SAXO1: variants seen among roughly 807,000 people sequenced by gnomAD.
SAXO1 encodes the protein 4930500O09Rik.
A neutral mutation model predicts 17.5 loss-of-function variants in SAXO1; 21 were observed. The ratio of observed to expected loss-of-function variants is 1.20; its 90% CI spans 0.85 to 1.72. SAXO1 has a LOEUF of 1.72. Ranked by LOEUF, SAXO1 falls within the 40% of genes most tolerant of loss-of-function variation. The pLI, the probability that SAXO1 is intolerant of heterozygous loss-of-function variation, is 0.00. For synonymous variants in SAXO1, 274 were observed against 216.5 expected, an observed-to-expected ratio of 1.27 and a Z score of -2.33; for missense variants, 843 against 596.0, an observed-to-expected ratio of 1.41 and a Z score of -4.32.
intron 1 of SAXO1, among the ~76,000 whole-genome samples, chr9:18,962,812 A>G (rs1193012599): frequency 6.6e-6 from 1 of 152,090 alleles, no homozygotes; most frequent in Non-Finnish European, 1.5e-5. Context: ...ATTAGATCCC[A>G]TTTGTCAATT....
chr9:18,979,066 A>G (rs1364586460), intron 1 of SAXO1, among the ~76,000 whole-genome samples: 1 of 152,194 alleles, frequency 6.6e-6, no homozygotes, highest in Non-Finnish European at 1.5e-5. Context: ...AACTTAGATT[A>G]TATATGTTGA....
At chr9:18,931,121 T>C (rs888892842) in intron 3 of SAXO1, among the ~76,000 whole-genome samples, 5 of 152,228 alleles carry the variant, frequency 3.3e-5, no homozygotes, top group African/African-American at 1.2e-4. Context: ...AATCAAGTTA[T>C]AGAGTATTTG....
At chr9:19,040,319 G>A (rs1460885269) in intron 1 of SAXO1, among the ~76,000 whole-genome samples, 1 of 152,104 alleles carries the variant, frequency 6.6e-6, no homozygotes, top group African/African-American at 2.4e-5. Context: ...CACCTAATAC[G>A]ACTCATTTAG....
chr9:18,964,980 A>G (rs571813497), intron 1 of SAXO1, among the ~76,000 whole-genome samples: 2 of 152,282 alleles, frequency 1.3e-5, no homozygotes, highest in South Asian at 4.2e-4. Flanking sequence ...GGTTTCAAAG[A>G]ATTTATTTAT....
At chr9:18,930,794 C>G (rs942678020) in intron 3 of SAXO1, among the ~76,000 whole-genome samples, 1 of 152,216 alleles carries the variant, frequency 6.6e-6, no homozygotes, top group African/African-American at 2.4e-5. Flanking sequence ...CCACCACGCC[C>G]GGCCTACTGC....
chr9:19,040,887 A>G (rs1400539470), intron 1 of SAXO1, among the ~76,000 whole-genome samples: 2 of 152,108 alleles, frequency 1.3e-5, no homozygotes, highest in Non-Finnish European at 2.9e-5. Context: ...ATACTTACGT[A>G]CAATAAATGA....
chr9:18,951,668 G>A (rs1024852183), intron 1 of SAXO1, among the ~76,000 whole-genome samples: 2 of 152,130 alleles, frequency 1.3e-5, no homozygotes, highest in Admixed American at 6.5e-5. Context: ...ATCACCCTGT[G>A]TATGCCTGTC....
intron 1 of SAXO1, among the ~76,000 whole-genome samples, chr9:18,996,078 T>TTA (rs1833987941): frequency 3.4e-4 from 12 of 35,060 alleles, no homozygotes; most frequent in African/African-American, 2.3e-3. Context: ...AAACTACATC[T>TTA]CAAAAAAAAA....
chr9:18,974,184 TAGA>T (rs1234924352), intron 1 of SAXO1, among the ~76,000 whole-genome samples: 4 of 152,100 alleles, frequency 2.6e-5, no homozygotes, highest in Non-Finnish European at 5.9e-5. Context: ...ACATTCAAAA[TAGA>T]AGGAGCCAGG....
intron 1 of SAXO1, among the ~76,000 whole-genome samples, chr9:19,005,454 G>A (rs185639379): frequency 6.6e-6 from 1 of 152,144 alleles, no homozygotes; most frequent in African/African-American, 2.4e-5. Flanking sequence ...GTATAGAATA[G>A]AGCCCAGAAA....
In SAXO1 at chr9:18,999,634, G is replaced by C. The variant is rs1359176652; in HGVS notation, c.38+33237C>G. 7.4e-5 allele frequency among the ~76,000 whole-genome samples: 11 copies of C among 148,876 alleles called. No individual in the cohort carries two copies. The South Asian group carries it at 1.1e-3, about 15-fold the overall frequency. On this transcript the variant is annotated intron_variant, in intron 1 of 3. Coordinates refer to ENST00000380534, the MANE Select transcript of SAXO1 (RefSeq NM_153707.4). ...TGTCCCACCATCTGGGAAGTGAAGA[G>C]CCCCTCTGCCCGGCCGCCACACCGT... is the stretch of plus-strand genomic sequence containing the variant.
At chr9:19,030,573 G>A (rs928844986) in intron 1 of SAXO1, among the ~76,000 whole-genome samples, 8 of 152,124 alleles carry the variant, frequency 5.3e-5, no homozygotes, top group African/African-American at 1.7e-4. Context: ...CAGCATGGTG[G>A]TGGGTACCTG....
chr9:19,013,737 G>T (rs564770036), intron 1 of SAXO1, among the ~76,000 whole-genome samples: 1 of 151,830 alleles, frequency 6.6e-6, no homozygotes, highest in African/African-American at 2.4e-5. Flanking sequence ...AGTGGAAACG[G>T]GTTTTCACCA....
chr9:19,017,762 C>A (rs1190548408), intron 1 of SAXO1, among the ~76,000 whole-genome samples: 1 of 152,252 alleles, frequency 6.6e-6, no homozygotes, highest in Non-Finnish European at 1.5e-5. Flanking sequence ...CTATCTCCTA[C>A]ACCTTCTAAT....
intron 1 of SAXO1, among the ~76,000 whole-genome samples, chr9:19,002,827 C>T (rs1188327249): frequency 6.6e-6 from 1 of 152,194 alleles, no homozygotes; most frequent in Non-Finnish European, 1.5e-5. Context: ...CCTTTGAAAA[C>T]TGGCACAAGA....
chr9:18,960,230 G>T (rs188672311), intron 1 of SAXO1, among the ~76,000 whole-genome samples: 1 of 152,154 alleles, frequency 6.6e-6, no homozygotes. Flanking sequence ...GGGACGCGTG[G>T]GGTAGGATTT....
chr9:19,030,203 G>T (rs115014186), intron 1 of SAXO1, among the ~76,000 whole-genome samples: 2 of 152,084 alleles, frequency 1.3e-5, no homozygotes, highest in South Asian at 4.1e-4. Context: ...AGGGACATCA[G>T]CAGGTCCACT....
chr9:19,009,802 G>C lies in SAXO1; in HGVS notation c.38+23069C>G, dbSNP rs529981310. Among the ~76,000 whole-genome samples the C allele has an allele frequency of 3.3e-5, 5 of 150,994 alleles. No individual in the cohort carries two copies. The East Asian group carries it at 9.8e-4, about 29-fold the overall frequency. ...AAAAAGAATATTCACCGTCTAAAGA[G>C]GTGAAGTCCATTAAAGTTTTGGGGT... On this transcript the variant is annotated intron_variant, in intron 1 of 3. Coordinates refer to ENST00000380534, the MANE Select transcript of SAXO1 (RefSeq NM_153707.4).
At chr9:19,006,575 G>A (rs1465978882) in intron 1 of SAXO1, among the ~76,000 whole-genome samples, 1 of 152,206 alleles carries the variant, frequency 6.6e-6, no homozygotes, top group African/African-American at 2.4e-5. Context: ...CAAATTCACA[G>A]ACAGTAAGTA....
Sources: allele counts gnomAD v4.1 joint callset (sites outside exome capture counted in the v4.1 genomes callset), GRCh38; gene constraint gnomAD v4.1.1; transcripts MANE v1.5; gene names NCBI Gene and HGNC (gene_info 2026-07-23, HGNC 2026-07-21).